Variants in R3HDM1 observed in about 807,000 individuals in gnomAD.
R3HDM1 encodes R3H domain containing 1.
In R3HDM1, 46 loss-of-function variants were observed where a neutral mutation model predicts 141.1. That is an observed-to-expected ratio of 0.33 (90% CI 0.26 to 0.42). R3HDM1 has a LOEUF of 0.42. Among genes scored for constraint, R3HDM1 ranks in the 10% least tolerant of loss-of-function variants. R3HDM1 has a pLI of 1.00. For missense variants in R3HDM1, 1,184 were observed against 1,368.3 expected, an observed-to-expected ratio of 0.87 and a Z score of 2.12; for synonymous variants, 435 against 472.9, an observed-to-expected ratio of 0.92 and a Z score of 1.04.
chr2:135,618,463 A>ATTTTTTTTT (rs755774961), intron 5 of R3HDM1, among the ~76,000 whole-genome samples: 1 of 124,120 alleles, frequency 8.1e-6, no homozygotes, highest in Non-Finnish European at 1.7e-5. Flanking sequence ...CGCCCGGCTG[A>ATTTTTTTTT]TTTTTTTTTT....
Position 135,722,538 on chromosome 2 carries a change from G to A in R3HDM1, c.3034G>A (p.Gly1012Arg). ...QAKKAASTDLGAGETVVGKVL... is the reference protein window; with the variant it reads ...QAKKAASTDLRAGETVVGKVL... ...TAAAAAAGCTGCATCCACAGACCTT[G>A]GAGCAGGAGAAACAGGTATGTCTCT... Residue 1012 changes from glycine to arginine, a missense_variant, in exon 26 of 27, where the codon GGA becomes AGA. Gly to Arg is a moderately radical substitution (Grantham distance 125). Coordinates refer to ENST00000683871, the MANE Select transcript of R3HDM1 (RefSeq NM_001378107.1). 1 of 1,613,124 alleles carries A rather than the reference G, an allele frequency of 6.2e-7. No homozygotes were observed. Among genetic ancestry groups the A allele is most frequent in the South Asian group, 1.1e-5 (1 of 90,740 alleles).
At chr2:135,531,923 C>G (rs559660788) in intron 1 of R3HDM1, among the ~76,000 whole-genome samples, 1 of 152,318 alleles carries the variant, frequency 6.6e-6, no homozygotes, top group East Asian at 1.9e-4. Flanking sequence ...GCCCACCGCC[C>G]CCACCCGGGG....
intron 17 of R3HDM1, chr2:135,651,449 A>C: frequency 2.1e-6 from 2 of 975,126 alleles, no homozygotes; most frequent in Non-Finnish European, 2.4e-6. Context: ...ATTTAAATAA[A>C]TGTCTTCATT....
In R3HDM1 at chr2:135,722,704, C is replaced by T. The variant is rs977933253; in HGVS notation, c.3049+151C>T. ...CTGATTTAGGGTTCTTGGATATGTT[C>T]CTATGACCTTGTGTCATTTGAGATG... On this transcript the variant is annotated intron_variant, in intron 26 of 26. Coordinates refer to ENST00000683871, the MANE Select transcript of R3HDM1 (RefSeq NM_001378107.1). The T allele has an allele frequency of 9.8e-6, 7 of 717,820 alleles. No individual in the cohort carries two copies. In the Admixed American group the frequency reaches 2.0e-4, roughly 20 times the overall value. 44.5% of individuals were successfully genotyped at this position (717,820 alleles called of 1,614,324 possible). A position where few individuals can be genotyped will look rare whatever the true frequency, so the allele number is the denominator to read the frequency against.
intron 1 of R3HDM1, among the ~76,000 whole-genome samples, chr2:135,532,099 T>TG (rs994008197): frequency 6.6e-6 from 1 of 152,174 alleles, no homozygotes; most frequent in African/African-American, 2.4e-5. Flanking sequence ...TGCTCTCTCG[T>TG]GTGGCTGGCG....
chr2:135,610,089 T>C (rs2060395064), intron 3 of R3HDM1, among the ~76,000 whole-genome samples: 1 of 152,116 alleles, frequency 6.6e-6, no homozygotes, highest in East Asian at 1.9e-4. Flanking sequence ...TTTGTGTTGA[T>C]TTTTACAGTC....
chr2:135,646,597 C>T (rs1251391769), intron 16 of R3HDM1, among the ~76,000 whole-genome samples: 1 of 151,118 alleles, frequency 6.6e-6, no homozygotes, highest in Non-Finnish European at 1.5e-5. Context: ...CCTGTAATCC[C>T]AGCACTTTAG....
At chr2:135,690,041 A>T (rs1309597692) in intron 21 of R3HDM1, among the ~76,000 whole-genome samples, 2 of 152,128 alleles carry the variant, frequency 1.3e-5, no homozygotes, top group African/African-American at 4.8e-5. Flanking sequence ...AAGAACCTTT[A>T]AAAAATGTTT....
intron 23 of R3HDM1, 90 bp downstream of exon 23, chr2:135,710,321 G>A: frequency 7.3e-7 from 1 of 1,368,350 alleles, no homozygotes; most frequent in Non-Finnish European, 1.0e-6. Flanking sequence ...AATCCCGTCA[G>A]CCAGATTAAT....
intron 6 of R3HDM1, 178 bp from the exon 7 acceptor site, chr2:135,622,476 A>T: frequency 2.0e-6 from 2 of 984,136 alleles, no homozygotes; most frequent in Admixed American, 1.2e-4. Context: ...CATGCACATT[A>T]TATGGGAATA....
At chr2:135,653,487 C>G (rs1574729007) in intron 18 of R3HDM1, among the ~76,000 whole-genome samples, 1 of 151,744 alleles carries the variant, frequency 6.6e-6, no homozygotes, top group East Asian at 1.9e-4. Flanking sequence ...TTTCTAAGCA[C>G]CATTTTGGTG....
At chr2:135,682,237 A>C (rs1156554097) in intron 21 of R3HDM1, among the ~76,000 whole-genome samples, 1 of 152,000 alleles carries the variant, frequency 6.6e-6, no homozygotes, top group African/African-American at 2.4e-5. Context: ...TATGTGGGGC[A>C]GAGGCTGAGA....
At chr2:135,567,193 C>T (rs1702987822) in intron 1 of R3HDM1, among the ~76,000 whole-genome samples, 1 of 152,170 alleles carries the variant, frequency 6.6e-6, no homozygotes, top group Non-Finnish European at 1.5e-5. Context: ...ATCTGCAGCC[C>T]GTAGACAGGT....
intron 5 of R3HDM1, chr2:135,620,198 CT>C: frequency 1.4e-6 from 1 of 718,914 alleles, no homozygotes; most frequent in Non-Finnish European, 1.7e-6. Context: ...AGTGTGAAAT[CT>C]TTTCTCCCAG....
In R3HDM1 at chr2:135,631,792, T is replaced by A; in HGVS notation, c.557+15T>A. On this transcript the variant is annotated intron_variant, in intron 8 of 26. Transcript: ENST00000683871. ...GGTAATAATGAGTAAGTCCTGACAT[T>A]CAACAAGAAAAGAAATTGTCATCAC... 1 of 1,566,876 alleles carries A rather than the reference T, an allele frequency of 6.4e-7. No individual in the cohort carries two copies. The highest frequency in any genetic ancestry group is 8.6e-7 in the Non-Finnish European group (1 of 1,158,524).
Position 135,675,395 on chromosome 2 carries a change from A to C in R3HDM1, c.2216A>C (p.Gln739Pro), listed in dbSNP as rs567427714. 1 of 1,614,020 alleles carries C rather than the reference A, an allele frequency of 6.2e-7. No individual in the cohort carries two copies. Among genetic ancestry groups the C allele is most frequent in the Non-Finnish European group, 8.5e-7 (1 of 1,179,896 alleles). The change falls in exon 20 of 27, where the codon CAG becomes CCG. Residue 739 changes from glutamine (Q) to proline (P), a missense_variant. Physicochemically the swap from Gln to Pro is moderately conservative, Grantham distance 76 (BLOSUM62 -1). This residue lies in a region of R3HDM1 where 563 missense variants were observed against 562.0 expected (regional missense o/e 1.00). Coordinates refer to ENST00000683871, the MANE Select transcript of R3HDM1 (RefSeq NM_001378107.1). Reference sequence around the variant, plus strand: ...GGAATAGTTGGAGTTCAGCAACCCCAGAGTCAGAGCCTAGTCAGTGGCCAA... The same window carrying C: ...GGAATAGTTGGAGTTCAGCAACCCCCGAGTCAGAGCCTAGTCAGTGGCCAA... ...YQGIVGVQQP[Q>P]SQSLVSGQPN...
Position 135,651,956 on chromosome 2 carries a change from G to A in R3HDM1, c.1952G>A (p.Gly651Glu). The A allele has an allele frequency of 6.2e-7, 1 of 1,613,512 alleles. No individual in the cohort carries two copies. ...LPPGQPVPTA[G>E]YPASGHPVSQ... ...CCTGGGCAGCCAGTCCCTACTGCTG[G>A]ATATCCTGCCTCTGGTCATCCTGTC... Residue 651 changes from glycine to glutamate, a missense_variant, in exon 18 of 27, where the codon GGA (glycine) becomes GAA (glutamate). Around this residue, in one of 5 missense-constraint regions of R3HDM1, gnomAD observed 563 missense variants for 562.0 expected, o/e 1.00. Transcript: ENST00000683871.
At chr2:135,555,175 C>CTGTAG (rs1437549779) in intron 1 of R3HDM1, among the ~76,000 whole-genome samples, 1 of 151,766 alleles carries the variant, frequency 6.6e-6, no homozygotes, top group African/African-American at 2.4e-5. Flanking sequence ...TGGTGCGTGC[C>CTGTAG]TGTAGTCCTA....
At chr2:135,567,399 C>T (rs1308002876) in intron 1 of R3HDM1, among the ~76,000 whole-genome samples, 4 of 152,128 alleles carry the variant, frequency 2.6e-5, no homozygotes, top group African/African-American at 9.7e-5. Flanking sequence ...TATGCATACA[C>T]GTACACTCAA....
Sources: gnomAD v4.1 joint callset for allele counts (sites outside exome capture counted in the v4.1 genomes callset) on GRCh38, gnomAD v4.1.1 for gene constraint, gnomAD v4.1.1 regional missense constraint, MANE v1.5 for transcripts, NCBI Gene and HGNC (gene_info 2026-07-23, HGNC 2026-07-21) for gene names.